RFX4: variants seen among roughly 807,000 people sequenced by gnomAD.
RFX4 encodes the protein transcription factor RFX4.
RFX4 carries 10 observed loss-of-function variants against 95.0 expected under a neutral mutation model. The observed-to-expected ratio is 0.11, with a 90% CI of 0.06 to 0.18. The LOEUF (loss-of-function observed/expected upper bound fraction) is 0.18. Ranked by LOEUF, RFX4 falls within the 10% of genes least tolerant of loss-of-function variation. The pLI is 1.00. For synonymous variants in RFX4, 321 were observed against 340.7 expected (o/e 0.94, Z 0.64); for missense variants, 640 against 922.0 (o/e 0.69, Z 3.96).
At chr12:106,733,129 A>C in intron 15 of RFX4, 44 bp downstream of exon 15, 1 of 1,601,104 alleles carries the variant, frequency 6.2e-7, no homozygotes, top group Non-Finnish European at 8.6e-7. Context: ...TAATGTTTGA[A>C]GAAAGGGCTT....
intron 2 of RFX4, among the ~76,000 whole-genome samples, chr12:106,629,983 T>G (rs1252824631): frequency 2.0e-5 from 3 of 152,218 alleles, no homozygotes; most frequent in Non-Finnish European, 4.4e-5. Flanking sequence ...GCCAATCTGA[T>G]AAGTAAGAAA....
intron 15 of RFX4, among the ~76,000 whole-genome samples, chr12:106,745,471 A>G (rs1006092865): frequency 6.6e-6 from 1 of 152,242 alleles, no homozygotes; most frequent in Admixed American, 6.5e-5. Context: ...TGTATTTAAA[A>G]TAGGACACCA....
At chr12:106,616,076 G>C (rs2040067203) in intron 2 of RFX4, among the ~76,000 whole-genome samples, 1 of 152,214 alleles carries the variant, frequency 6.6e-6, no homozygotes, top group Non-Finnish European at 1.5e-5. Flanking sequence ...TTCACCATTA[G>C]GTGAGATGTT....
chr12:106,708,069 G>A (rs770887146), intron 8 of RFX4, among the ~76,000 whole-genome samples: 4 of 152,206 alleles, frequency 2.6e-5, no homozygotes, highest in Non-Finnish European at 4.4e-5. Flanking sequence ...GGGAGCCGGA[G>A]GTTGCAGTGA....
chr12:106,633,009 C>T (rs76680162), intron 2 of RFX4, among the ~76,000 whole-genome samples: 2,157 of 152,304 alleles, frequency 0.014, 25 homozygotes, highest in Middle Eastern at 0.048. Context: ...ATGTAGCAGA[C>T]GCTCAATAAA....
At chr12:106,645,165 T>A (rs956266662) in intron 3 of RFX4, among the ~76,000 whole-genome samples, 1 of 152,130 alleles carries the variant, frequency 6.6e-6, no homozygotes, top group Non-Finnish European at 1.5e-5. Context: ...TATTGTCAAA[T>A]GCCTTCTGCC....
At chr12:106,616,065 T>C (rs2040066957) in intron 2 of RFX4, among the ~76,000 whole-genome samples, 1 of 152,234 alleles carries the variant, frequency 6.6e-6, no homozygotes, top group Non-Finnish European at 1.5e-5. Flanking sequence ...GCATTTAGTG[T>C]TTCACCATTA....
At chr12:106,585,304 G>C (rs1235396876) in intron 1 of RFX4, among the ~76,000 whole-genome samples, 6 of 152,146 alleles carry the variant, frequency 3.9e-5, no homozygotes, top group African/African-American at 1.4e-4. Flanking sequence ...GGTGCTCGTG[G>C]GGGCACCGGG....
intron 1 of RFX4, among the ~76,000 whole-genome samples, chr12:106,589,578 A>G (rs1195381457): frequency 1.3e-5 from 2 of 152,202 alleles, no homozygotes; most frequent in African/African-American, 4.8e-5. Flanking sequence ...TGAGGTCTCA[A>G]CTGGTACATG....
At chr12:106,604,752 G>A (rs1432606124) in intron 1 of RFX4, among the ~76,000 whole-genome samples, 1 of 152,204 alleles carries the variant, frequency 6.6e-6, no homozygotes, top group Non-Finnish European at 1.5e-5. Context: ...CTAAACTGAA[G>A]AGGCTGTTGT....
At chr12:106,733,310 C>A in intron 15 of RFX4, 1 of 423,500 alleles carries the variant, frequency 2.4e-6, no homozygotes, top group East Asian at 3.7e-5. Flanking sequence ...TACAGTGAGA[C>A]CTTGTCTCAA....
intron 13 of RFX4, among the ~76,000 whole-genome samples, chr12:106,726,270 G>GA (rs1204373477): frequency 1.6e-4 from 23 of 145,658 alleles, no homozygotes; most frequent in Middle Eastern, 3.5e-3. Context: ...AGAAAAAAAG[G>GA]AAAAAAAAAA....
chr12:106,748,896 C>T (rs1008216424), intron 16 of RFX4, among the ~76,000 whole-genome samples: 3 of 152,016 alleles, frequency 2.0e-5, no homozygotes, highest in African/African-American at 4.8e-5. Flanking sequence ...ATCATCCTGG[C>T]GAACATGGTG....
chr12:106,655,128 T>C (rs1466574673), intron 4 of RFX4, among the ~76,000 whole-genome samples: 1 of 152,170 alleles, frequency 6.6e-6, no homozygotes, highest in Non-Finnish European at 1.5e-5. Flanking sequence ...GGTCAGTGTA[T>C]GAGTTTCAGG....
At chr12:106,746,565 A>G (rs1339231023) in intron 15 of RFX4, among the ~76,000 whole-genome samples, 1 of 151,972 alleles carries the variant, frequency 6.6e-6, no homozygotes, top group Non-Finnish European at 1.5e-5. Flanking sequence ...ATCTCATAAA[A>G]TATTAAGCAT....
At chr12:106,640,479 A>G (rs2040598895) in intron 3 of RFX4, among the ~76,000 whole-genome samples, 1 of 152,236 alleles carries the variant, frequency 6.6e-6, no homozygotes, top group African/African-American at 2.4e-5. Context: ...ATCTTCTCTA[A>G]CAAGAGCCTC....
At chr12:106,728,134 A>AAAT (rs1158485692) in intron 13 of RFX4, among the ~76,000 whole-genome samples, 2 of 152,094 alleles carry the variant, frequency 1.3e-5, no homozygotes, top group Non-Finnish European at 2.9e-5. Flanking sequence ...GAAAGATGAA[A>AAAT]TGCTTTGATT....
intron 1 of RFX4, among the ~76,000 whole-genome samples, chr12:106,605,615 C>T (rs2039814544): frequency 6.6e-6 from 1 of 152,190 alleles, no homozygotes; most frequent in South Asian, 2.1e-4. Flanking sequence ...CCAAGTGCCA[C>T]GTGTTCACAT....
At chr12:106,682,339 G>T (rs912467372) in intron 5 of RFX4, 5 of 470,016 alleles carry the variant, frequency 1.1e-5, no homozygotes, top group African/African-American at 9.7e-5. Context: ...GGGCATCATT[G>T]AAAGGATTGC....
Sources: gnomAD v4.1 joint callset for allele counts (sites outside exome capture counted in the v4.1 genomes callset) on GRCh38, gnomAD v4.1.1 for gene constraint, MANE v1.5 for transcripts, NCBI Gene and HGNC (gene_info 2026-07-23, HGNC 2026-07-21) for gene names.